MORN1: variants seen among roughly 807,000 people sequenced by gnomAD.
The protein encoded by MORN1 is MORN repeat containing 1.
MORN1 carries 67 observed loss-of-function variants against 61.9 expected under a neutral mutation model. That is an observed-to-expected ratio of 1.08 (90% CI 0.89 to 1.33). The LOEUF (loss-of-function observed/expected upper bound fraction) is 1.33. Among genes scored for constraint, MORN1 ranks in the 40% most tolerant of loss-of-function variants. The pLI is 0.00. For missense variants in MORN1, 752 were observed against 691.2 expected (o/e 1.09, Z -0.99); for synonymous variants, 301 against 292.0 (o/e 1.03, Z -0.31).
chr1:2,384,589 C>G (rs111752921), intron 6 of MORN1, among the ~76,000 whole-genome samples: 1 of 152,240 alleles, frequency 6.6e-6, no homozygotes. Flanking sequence ...ATCGCCGAGG[C>G]GCAGAGGCTC....
At chr1:2,385,310 G>A (rs527484423) in intron 5 of MORN1, 3 of 560,132 alleles carry the variant, frequency 5.4e-6, no homozygotes, top group Non-Finnish European at 6.4e-6. Flanking sequence ...CTCAGCTTCC[G>A]CTACTCAAAA....
chr1:2,336,979 TTG>T, intron 10 of MORN1, 129 bp from the exon 11 acceptor site: 1 of 1,113,686 alleles, frequency 9.0e-7, no homozygotes, highest in Non-Finnish European at 1.2e-6. Flanking sequence ...CGATGCCATC[TTG>T]GTGGGGGCAG....
chr1:2,383,976 G>A (rs1318506137), intron 6 of MORN1, among the ~76,000 whole-genome samples: 3 of 152,140 alleles, frequency 2.0e-5, no homozygotes, highest in East Asian at 1.9e-4. Flanking sequence ...GTCTGTCTCC[G>A]GGCCCCCTCC....
rs753261675 is a variant in MORN1, at chr1:2,372,181, C to A, written c.745+300G>T. On this transcript the variant is annotated intron_variant, in intron 8 of 13. Coordinates refer to ENST00000378531, the MANE Select transcript of MORN1 (RefSeq NM_024848.3). The surrounding 1 kb of genome is among the most constrained non-coding windows in gnomAD (Gnocchi z 5.4). Reference sequence around the variant, plus strand: ...TGACACACGTGCACGCGTGCCCCCCCACACGTATACACATTCAGACCTGTG... The same window carrying A: ...TGACACACGTGCACGCGTGCCCCCCAACACGTATACACATTCAGACCTGTG... The A allele has an allele frequency of 4.0e-5, 12 of 298,752 alleles. No homozygotes were observed. The highest frequency in any genetic ancestry group is 9.7e-5 in the Admixed American group (2 of 20,704). The allele number at this position is 298,752 out of a possible 1,614,324, so 18.5% of individuals were successfully genotyped here.
chr1:2,364,539 T>C (rs1317431798), intron 8 of MORN1, among the ~76,000 whole-genome samples: 1 of 149,498 alleles, frequency 6.7e-6, no homozygotes, highest in Non-Finnish European at 1.5e-5. Flanking sequence ...TAGTCTCTTT[T>C]GCTGTGCAGA....
At chr1:2,343,939 C>T (rs1205535137) in intron 10 of MORN1, among the ~76,000 whole-genome samples, 1 of 151,386 alleles carries the variant, frequency 6.6e-6, no homozygotes, top group East Asian at 2.0e-4. Flanking sequence ...TCCCCTGCTG[C>T]CAGCTGTGGG....
intron 6 of MORN1, among the ~76,000 whole-genome samples, chr1:2,383,656 C>T (rs879608795): frequency 3.3e-5 from 5 of 152,254 alleles, no homozygotes; most frequent in African/African-American, 7.2e-5. Context: ...CAGGCTGTGA[C>T]CTGCGCTGCG....
chr1:2,350,373 A>G (rs1235078768), intron 10 of MORN1: 1 of 152,242 alleles, frequency 6.6e-6, no homozygotes, highest in Non-Finnish European at 1.5e-5. Flanking sequence ...GTGATGTGCA[A>G]TTATGTATCA....
Position 2,381,903 on chromosome 1 carries a change from G to A in MORN1, c.537+3075C>T, listed in dbSNP as rs976734916. ...GCAAGGCCCGGGCCAGTGTGGTGCC[G>A]GGACAGGGCTGGGCTGCCCCCTGGT... On this transcript the variant is annotated intron_variant, in intron 6 of 13. Transcript: ENST00000378531. Among the ~76,000 whole-genome samples, 3 of 152,332 alleles carry A rather than the reference G, an allele frequency of 2.0e-5. No homozygotes were observed. The South Asian group carries it at 6.2e-4, about 32-fold the overall frequency.
Position 2,357,925 on chromosome 1 carries a change from C to G in MORN1, c.870-327G>C, listed in dbSNP as rs1213870819. On this transcript the variant is annotated intron_variant, in intron 9 of 13. Coordinates refer to ENST00000378531, the MANE Select transcript of MORN1 (RefSeq NM_024848.3). This position sits in a 1 kb window ranked among gnomAD's most constrained non-coding sequence, Gnocchi z 6.3. Reference sequence around the variant, plus strand: ...GTCCAAGTTTACCCCAAATGTCAGACAGTCCTTAACTCAGGAGAAGGGCCG... The same window carrying G: ...GTCCAAGTTTACCCCAAATGTCAGAGAGTCCTTAACTCAGGAGAAGGGCCG... Among the ~76,000 whole-genome samples the G allele has an allele frequency of 6.6e-6, 1 of 152,198 alleles. No individual in the cohort carries two copies. Among genetic ancestry groups the G allele is most frequent in the East Asian group, 1.9e-4 (1 of 5,194 alleles).
intron 10 of MORN1, among the ~76,000 whole-genome samples, chr1:2,338,584 A>G (rs915402553): frequency 3.3e-5 from 5 of 152,192 alleles, no homozygotes; most frequent in African/African-American, 1.2e-4. Context: ...CCCCAAGTAC[A>G]CATGGTTCAC....
intron 3 of MORN1, 94 bp from the exon 4 acceptor site, chr1:2,387,623 G>C: frequency 1.2e-6 from 1 of 859,766 alleles, no homozygotes; most frequent in Non-Finnish European, 1.9e-6. Context: ...TGACACGCAG[G>C]AACCATTCCA....
intron 13 of MORN1, chr1:2,323,160 T>C (rs1281561580): frequency 1.0e-6 from 1 of 985,248 alleles, no homozygotes. Context: ...GACCGGTTGA[T>C]GGTGTGAGGG....
Position 2,389,994 on chromosome 1 carries a change from A to C in MORN1, c.79T>G (p.Tyr27Asp), listed in dbSNP as rs1642605584. Reference protein sequence around the residue: ...DPPRRPPRNGYGVYVYPNSFF... With the variant: ...DPPRRPPRNGDGVYVYPNSFF... ...GAATTTGGGTATACGTAGACACCAT[A>C]ACCTGAGTATTGAGAAGACACACAC... The change falls in exon 2 of 14, where the codon TAT becomes GAT. Residue 27 changes from tyrosine (Y) to aspartate (D), a missense_variant and splice_region_variant. By Grantham distance (160) the Tyr-to-Asp change is radical (BLOSUM62 -3). Transcript: ENST00000378531. 6.2e-7 allele frequency: 1 copy of C among 1,613,328 alleles called. No individual in the cohort carries two copies. The highest frequency in any genetic ancestry group is 1.3e-5 in the African/African-American group (1 of 74,906).
intron 10 of MORN1, among the ~76,000 whole-genome samples, chr1:2,356,060 G>A (rs564952231): frequency 1.9e-4 from 29 of 152,346 alleles, no homozygotes; most frequent in African/African-American, 5.5e-4. Context: ...ACCCCAGTGC[G>A]GCAGCCAGGT....
At chr1:2,345,676 CTG>C (rs1261644563) in intron 10 of MORN1, among the ~76,000 whole-genome samples, 4 of 152,220 alleles carry the variant, frequency 2.6e-5, no homozygotes, top group Admixed American at 6.5e-5. Flanking sequence ...GGAACAGAAA[CTG>C]TGCCCTGAGG....
chr1:2,363,825 TAA>T (rs56944878), intron 8 of MORN1, among the ~76,000 whole-genome samples: 51,567 of 130,046 alleles, frequency 0.4, 10,340 homozygotes, highest in Non-Finnish European at 0.45. Flanking sequence ...TATATATATA[TAA>T]AAAAAATCAG....
intron 10 of MORN1, among the ~76,000 whole-genome samples, chr1:2,354,142 G>C (rs186963647): frequency 6.6e-6 from 1 of 152,094 alleles, no homozygotes; most frequent in Admixed American, 6.6e-5. Context: ...AAAATTAGTC[G>C]GGCGAGGTGT....
chr1:2,323,416 T>C, intron 13 of MORN1: 1 of 985,430 alleles, frequency 1.0e-6, no homozygotes, highest in South Asian at 4.7e-5. Flanking sequence ...GTCATTCATG[T>C]TGGCCCAGGT....
Sources: gnomAD v4.1 joint callset for allele counts (sites outside exome capture counted in the v4.1 genomes callset) on GRCh38, gnomAD v4.1.1 for gene constraint, Gnocchi (gnomAD v3.1) non-coding constraint, MANE v1.5 for transcripts, NCBI Gene and HGNC (gene_info 2026-07-23, HGNC 2026-07-21) for gene names.